SLC25A42: variants seen among roughly 807,000 people sequenced by gnomAD.
The protein encoded by SLC25A42 is solute carrier family 25 member 42.
A neutral mutation model predicts 34.7 loss-of-function variants in SLC25A42; 19 were observed. That is an observed-to-expected ratio of 0.55 (90% confidence interval 0.38 to 0.80). SLC25A42 has a LOEUF of 0.80. Ranked by LOEUF, SLC25A42 falls within the 30% of genes least tolerant of loss-of-function variation. The pLI is 0.00. For synonymous variants in SLC25A42, 205 were observed against 191.2 expected (o/e 1.07, Z -0.59); for missense variants, 364 against 441.3 (o/e 0.82, Z 1.57).
At chr19:19,080,696 G>A (rs2059676875) in intron 1 of SLC25A42, among the ~76,000 whole-genome samples, 1 of 152,102 alleles carries the variant, frequency 6.6e-6, no homozygotes, top group African/African-American at 2.4e-5. Flanking sequence ...GCCAAGGTGG[G>A]CAGATTGCAT....
intron 1 of SLC25A42, among the ~76,000 whole-genome samples, chr19:19,093,376 A>G (rs539736075): frequency 1.3e-5 from 2 of 152,336 alleles, no homozygotes; most frequent in African/African-American, 4.8e-5. Context: ...CCGACACCGC[A>G]CACATCTAGC....
intron 1 of SLC25A42, among the ~76,000 whole-genome samples, chr19:19,070,212 G>T (rs970098017): frequency 6.6e-6 from 1 of 151,288 alleles, no homozygotes; most frequent in Non-Finnish European, 1.5e-5. Context: ...AGCCAGGATG[G>T]TCTCGATCTC....
At chr19:19,107,733 AG>A (rs892586056) in intron 6 of SLC25A42, among the ~76,000 whole-genome samples, 160 bp from the exon 7 acceptor site, 7 of 152,210 alleles carry the variant, frequency 4.6e-5, no homozygotes, top group Non-Finnish European at 8.8e-5. Context: ...CTAATAACAA[AG>A]CTTGAGTGAT....
At position 19,067,105 on chromosome 19, in the gene SLC25A42, C is replaced by T. The variant is rs1347090922; in HGVS notation, c.-35+2990C>T. ...TGTGAAGTTGGAAAGCCTGATTCCT[C>T]TCCTGTGGCCAGCTCAGTTATCTTA... is the stretch of plus-strand genomic sequence containing the variant. On this transcript the variant is annotated intron_variant, in intron 1 of 7. Coordinates refer to ENST00000318596, the MANE Select transcript of SLC25A42 (RefSeq NM_178526.5). Among the ~76,000 whole-genome samples the T allele has an allele frequency of 7.3e-5, 11 of 150,742 alleles. No individual in the cohort carries two copies. The South Asian group carries it at 2.5e-3, about 34-fold the overall frequency.
intron 3 of SLC25A42, 59 bp from the exon 4 acceptor site, chr19:19,104,854 G>A (rs373274059): frequency 4.5e-5 from 72 of 1,604,350 alleles, no homozygotes; most frequent in Admixed American, 2.7e-4. Flanking sequence ...GTGGGGCCAC[G>A]CAGATGGGAG....
intron 2 of SLC25A42, among the ~76,000 whole-genome samples, chr19:19,097,122 C>T (rs755359588): frequency 2.0e-5 from 3 of 152,212 alleles, no homozygotes; most frequent in Non-Finnish European, 2.9e-5. Flanking sequence ...CCCCTAAGTC[C>T]TCTCAGCTGA....
intron 1 of SLC25A42, among the ~76,000 whole-genome samples, chr19:19,087,548 A>G (rs1347751642): frequency 6.6e-6 from 1 of 152,214 alleles, no homozygotes; most frequent in Non-Finnish European, 1.5e-5. Flanking sequence ...TCGGCCTCCC[A>G]AAGTGCTGGG....
chr19:19,074,128 T>C (rs1246159877), intron 1 of SLC25A42, among the ~76,000 whole-genome samples: 2 of 152,196 alleles, frequency 1.3e-5, no homozygotes, highest in Admixed American at 1.3e-4. Context: ...TGGTGACAGG[T>C]GTGGGCAGCA....
At chr19:19,079,825 C>A (rs2059672361) in intron 1 of SLC25A42, among the ~76,000 whole-genome samples, 1 of 152,292 alleles carries the variant, frequency 6.6e-6, no homozygotes, top group Admixed American at 6.5e-5. Context: ...CCTGCTTTAG[C>A]CTCCCAAAGT....
intron 7 of SLC25A42, among the ~76,000 whole-genome samples, chr19:19,108,750 A>G (rs1238640646): frequency 2.0e-5 from 3 of 152,208 alleles, no homozygotes; most frequent in Non-Finnish European, 4.4e-5. Context: ...GCATGTGAAC[A>G]GGCATTCACA....
chr19:19,106,413 C>A (rs1232056600), intron 6 of SLC25A42, 28 bp downstream of exon 6: 3 of 1,578,292 alleles, frequency 1.9e-6, no homozygotes, highest in South Asian at 1.1e-5. Context: ...TGATGCGCAT[C>A]AGCCCCGGGG....
Position 19,105,656 on chromosome 19 carries a change from C to T in SLC25A42, c.309C>T (p.Tyr103=), listed in dbSNP as rs1568523935. 1.9e-6 allele frequency: 3 copies of T among 1,613,492 alleles called. No homozygotes were observed. Among genetic ancestry groups the T allele is most frequent in the Non-Finnish European group, 2.5e-6 (3 of 1,179,828 alleles). ...NSATMVRVVP[Y]AAIQFSAHEE... is the part of the protein sequence containing the mutation. ...CCACCATGGTGCGCGTGGTGCCCTA[C>T]GCCGCCATCCAGTTCAGCGCACACG... Residue 103 remains tyrosine (Y), a synonymous_variant, in exon 5 of 8, where the codon TAC becomes TAT. Coordinates refer to ENST00000318596, the MANE Select transcript of SLC25A42 (RefSeq NM_178526.5).
chr19:19,071,065 G>A (rs2059627779), intron 1 of SLC25A42, among the ~76,000 whole-genome samples: 1 of 149,846 alleles, frequency 6.7e-6, no homozygotes, highest in African/African-American at 2.5e-5. Context: ...GGAGTGTGGT[G>A]GCAAGATCAC....
chr19:19,070,894 A>T (rs2059626687), intron 1 of SLC25A42, among the ~76,000 whole-genome samples: 1 of 151,742 alleles, frequency 6.6e-6, no homozygotes, highest in South Asian at 2.1e-4. Flanking sequence ...CAGATGGCTC[A>T]TGTTGGCAGC....
intron 1 of SLC25A42, among the ~76,000 whole-genome samples, chr19:19,088,001 G>T (rs528518758): frequency 6.6e-6 from 1 of 152,310 alleles, no homozygotes; most frequent in African/African-American, 2.4e-5. Flanking sequence ...TAGAGAAGCT[G>T]CAATCACTGA....
At position 19,110,844 on chromosome 19, in the gene SLC25A42, A is replaced by G. The variant is rs2059860316; in HGVS notation, c.925A>G (p.Met309Val). 3 of 1,613,748 alleles carry G rather than the reference A, an allele frequency of 1.9e-6. No homozygotes were observed. Among genetic ancestry groups the G allele is most frequent in the African/African-American group, 1.3e-5 (1 of 74,936 alleles). The change falls in exon 8 of 8, where the codon ATG becomes GTG. Residue 309 changes from methionine to valine, a missense_variant. By Grantham distance (21) the Met-to-Val change is conservative. Transcript: ENST00000318596. ...CATCAGCTTCACCACCTTCGACCTC[A>G]TGCAGATCCTGCTGCGGCACCTGCA... ...VGISFTTFDL[M>V]QILLRHLQS
At chr19:19,108,659 A>G (rs1380713508) in intron 7 of SLC25A42, among the ~76,000 whole-genome samples, 1 of 152,226 alleles carries the variant, frequency 6.6e-6, no homozygotes, top group South Asian at 2.1e-4. Flanking sequence ...CCCAGATGGA[A>G]AGGAAGTACT....
chr19:19,082,376 TTTTCCTTTTCC>T (rs1359634162), intron 1 of SLC25A42, among the ~76,000 whole-genome samples: 3 of 152,144 alleles, frequency 2.0e-5, no homozygotes, highest in African/African-American at 7.2e-5. Context: ...GTTCTGGTCC[TTTTCCTTTTCC>T]TTTCCTTTCC....
intron 1 of SLC25A42, among the ~76,000 whole-genome samples, chr19:19,082,328 C>T (rs962861216): frequency 1.3e-5 from 2 of 152,168 alleles, no homozygotes; most frequent in Non-Finnish European, 2.9e-5. Context: ...CAGCGGAGGG[C>T]ACTCACATCT....
Sources: allele counts gnomAD v4.1 joint callset (sites outside exome capture counted in the v4.1 genomes callset), GRCh38; gene constraint gnomAD v4.1.1; transcripts MANE v1.5; gene names NCBI Gene and HGNC (gene_info 2026-07-23, HGNC 2026-07-21).